Variants in RANBP17 observed in about 807,000 individuals in gnomAD.
RANBP17 encodes ran-binding protein 17.
RANBP17 carries 158 observed loss-of-function variants against 141.2 expected under a neutral mutation model. That is an observed-to-expected ratio of 1.12 (90% CI 0.98 to 1.28). RANBP17 has a LOEUF of 1.28. RANBP17 is among the 50% of genes most tolerant of loss of function. RANBP17 has a pLI of 0.00. For missense variants in RANBP17, 1,438 were observed against 1,290.7 expected, an observed-to-expected ratio of 1.11 and a Z score of -1.75; for synonymous variants, 430 against 450.0, an observed-to-expected ratio of 0.96 and a Z score of 0.56.
intron 14 of RANBP17, among the ~76,000 whole-genome samples, chr5:171,008,171 G>A (rs1298518781): frequency 6.6e-6 from 1 of 152,228 alleles, no homozygotes; most frequent in Non-Finnish European, 1.5e-5. Flanking sequence ...GATAAAATGT[G>A]TCTCCTTTGT....
intron 14 of RANBP17, among the ~76,000 whole-genome samples, chr5:170,983,730 T>C (rs1777928182): frequency 6.6e-6 from 1 of 152,142 alleles, no homozygotes; most frequent in South Asian, 2.1e-4. Flanking sequence ...GAAATACAAA[T>C]TTGGACAATT....
chr5:171,022,391 G>A (rs1048781450), intron 14 of RANBP17, among the ~76,000 whole-genome samples: 1 of 152,224 alleles, frequency 6.6e-6, no homozygotes, highest in African/African-American at 2.4e-5. Context: ...ACTACGAGGA[G>A]GAAAGGCTAA....
intron 21 of RANBP17, among the ~76,000 whole-genome samples, chr5:171,214,827 A>G (rs1763115760): frequency 6.6e-6 from 1 of 152,162 alleles, no homozygotes; most frequent in Admixed American, 6.6e-5. Flanking sequence ...ATTTAATACT[A>G]AAGGGAAAAA....
At chr5:170,941,321 G>A (rs1774309891) in intron 12 of RANBP17, among the ~76,000 whole-genome samples, 1 of 151,958 alleles carries the variant, frequency 6.6e-6, no homozygotes, top group Admixed American at 6.6e-5. Flanking sequence ...TCTTTAAAAA[G>A]ACAAGAGTAA....
intron 14 of RANBP17, among the ~76,000 whole-genome samples, chr5:171,071,170 C>T (rs966639409): frequency 2.6e-5 from 4 of 152,038 alleles, no homozygotes; most frequent in African/African-American, 7.2e-5. Context: ...TTTAACCCTT[C>T]TTTTGTGATC....
chr5:171,265,899 T>TA, intron 25 of RANBP17, 52 bp downstream of exon 25: 1 of 1,539,348 alleles, frequency 6.5e-7, no homozygotes. Context: ...CCAGAAGCCA[T>TA]ACCTGGCCCC....
intron 13 of RANBP17, among the ~76,000 whole-genome samples, chr5:170,957,072 A>AACACAC (rs58034888): frequency 0.27 from 39,228 of 142,760 alleles, 6,196 homozygotes; most frequent in Middle Eastern, 0.53. Flanking sequence ...TCTGTCTCAA[A>AACACAC]ACACACACAC....
chr5:171,116,276 ATT>A (rs57099196), intron 14 of RANBP17, among the ~76,000 whole-genome samples: 10 of 147,842 alleles, frequency 6.8e-5, no homozygotes, highest in African/African-American at 2.0e-4. Flanking sequence ...AGATACTGTG[ATT>A]TTTTTTTTTT....
At chr5:171,144,662 T>C (rs1271506652) in intron 14 of RANBP17, among the ~76,000 whole-genome samples, 1 of 152,238 alleles carries the variant, frequency 6.6e-6, no homozygotes, top group Admixed American at 6.5e-5. Flanking sequence ...GGTCTCTGCC[T>C]GCCACAACAG....
At chr5:170,920,374 G>A (rs1772339718) in intron 11 of RANBP17, among the ~76,000 whole-genome samples, 1 of 152,022 alleles carries the variant, frequency 6.6e-6, no homozygotes, top group African/African-American at 2.4e-5. Context: ...ACTATGTAGT[G>A]GTACCTCATT....
intron 14 of RANBP17, among the ~76,000 whole-genome samples, chr5:171,001,930 T>G (rs1779228604): frequency 6.6e-6 from 1 of 150,694 alleles, no homozygotes; most frequent in African/African-American, 2.4e-5. Flanking sequence ...GACCAAGAGG[T>G]ATTTTAGTTT....
chr5:170,877,679 C>T (rs570620695), intron 1 of RANBP17, among the ~76,000 whole-genome samples: 1 of 152,268 alleles, frequency 6.6e-6, no homozygotes, highest in African/African-American at 2.4e-5. Context: ...GTTTATCAGC[C>T]GCACTGACCT....
intron 14 of RANBP17, among the ~76,000 whole-genome samples, chr5:171,056,809 A>C (rs1324850425): frequency 6.5e-5 from 1 of 15,336 alleles, no homozygotes; most frequent in African/African-American, 2.1e-4. Context: ...TGATTTAGCC[A>C]AATTATACCT....
chr5:171,014,422 T>A (rs1201777341), intron 14 of RANBP17, among the ~76,000 whole-genome samples: 3 of 152,064 alleles, frequency 2.0e-5, no homozygotes, highest in Admixed American at 6.6e-5. Flanking sequence ...CATTTAGTAT[T>A]TATCTCCCTT....
At chr5:171,234,468 C>T (rs1210572068) in intron 22 of RANBP17, among the ~76,000 whole-genome samples, 1 of 152,148 alleles carries the variant, frequency 6.6e-6, no homozygotes, top group Non-Finnish European at 1.5e-5. Flanking sequence ...ATTACTCACG[C>T]TGCTATATTA....
At chr5:171,159,917 C>CAAAAAAAAAAA (rs1175963382) in intron 14 of RANBP17, among the ~76,000 whole-genome samples, 22 of 41,438 alleles carry the variant, frequency 5.3e-4, no homozygotes, top group South Asian at 1.1e-3. Context: ...GACTCCATCT[C>CAAAAAAAAAAA]AAAAAAAAAA....
rs185845685 is a variant in RANBP17, at chr5:170,902,836, G to A, written c.489+6721G>A. ...GTTCACTCCAGACCCTGTTTGCCTC[G>A]GTATCACCAGCGGAGGCTGCAGAAC... On this transcript the variant is annotated intron_variant, in intron 5 of 27. Transcript: ENST00000523189. Among the ~76,000 whole-genome samples the A allele has an allele frequency of 3.9e-5, 6 of 152,290 alleles. No individual in the cohort carries two copies. In the East Asian group the frequency reaches 5.8e-4, roughly 15 times the overall value.
intron 1 of RANBP17, among the ~76,000 whole-genome samples, chr5:170,875,140 A>G (rs914657479): frequency 3.3e-5 from 5 of 152,184 alleles, no homozygotes; most frequent in Non-Finnish European, 2.9e-5. Context: ...GACTTTAAGA[A>G]TGTTGAATAT....
intron 14 of RANBP17, among the ~76,000 whole-genome samples, chr5:171,016,294 A>G (rs1780429637): frequency 6.6e-6 from 1 of 150,884 alleles, no homozygotes; most frequent in Admixed American, 6.6e-5. Context: ...CTGTTACTCT[A>G]TATTGGCACA....
Sources: gnomAD v4.1 joint callset for allele counts (sites outside exome capture counted in the v4.1 genomes callset) on GRCh38, gnomAD v4.1.1 for gene constraint, MANE v1.5 for transcripts, NCBI Gene and HGNC (gene_info 2026-07-23, HGNC 2026-07-21) for gene names.